SOX6: variants seen among roughly 807,000 people sequenced by gnomAD.
The protein encoded by SOX6 is transcription factor SOX-6.
Under a neutral mutation model 97.8 loss-of-function variants are expected in SOX6, and 11 were observed. The ratio of observed to expected loss-of-function variants is 0.11; its 90% confidence interval spans 0.07 to 0.19. The LOEUF (loss-of-function observed/expected upper bound fraction) is 0.19. SOX6 is among the 10% of genes least tolerant of loss of function. SOX6 has a pLI of 1.00. For synonymous variants in SOX6, 360 were observed against 371.4 expected, an observed-to-expected ratio of 0.97 and a Z score of 0.35; for missense variants, 810 against 1,039.5, an observed-to-expected ratio of 0.78 and a Z score of 3.04.
At chr11:16,597,461 G>T (rs1848225466) in intron 4 of SOX6, among the ~76,000 whole-genome samples, 1 of 151,800 alleles carries the variant, frequency 6.6e-6, no homozygotes, top group African/African-American at 2.4e-5. Context: ...TGGGGAGGTT[G>T]CATTACTTTT....
At chr11:16,107,128 T>C (rs963097070) in intron 7 of SOX6, among the ~76,000 whole-genome samples, 9 of 151,992 alleles carry the variant, frequency 5.9e-5, no homozygotes, top group Non-Finnish European at 1.0e-4. Flanking sequence ...GGAACCCTCT[T>C]ACATTTCTCG....
intron 3 of SOX6, among the ~76,000 whole-genome samples, chr11:16,685,968 G>A (rs1305408610): frequency 6.6e-6 from 1 of 152,252 alleles, no homozygotes; most frequent in African/African-American, 2.4e-5. Context: ...CATTCTCCAA[G>A]GTGGTAGGTC....
intron 3 of SOX6, among the ~76,000 whole-genome samples, chr11:16,689,121 A>T (rs1000159881): frequency 1.3e-5 from 2 of 152,168 alleles, no homozygotes; most frequent in African/African-American, 4.8e-5. Context: ...TATTTCTTCT[A>T]ATCCTTTATG....
intron 3 of SOX6, among the ~76,000 whole-genome samples, chr11:16,626,502 T>G (rs1848626003): frequency 6.6e-6 from 1 of 152,202 alleles, no homozygotes; most frequent in South Asian, 2.1e-4. Flanking sequence ...AATTTATTCT[T>G]TTTGGTTGTT....
chr11:16,246,778 T>C (rs948374521), intron 3 of SOX6, among the ~76,000 whole-genome samples: 7 of 152,108 alleles, frequency 4.6e-5, no homozygotes, highest in African/African-American at 1.7e-4. Context: ...TTTTTCATTA[T>C]TATGGGCACA....
At chr11:16,458,379 T>C (rs1590211441) in intron 1 of SOX6, among the ~76,000 whole-genome samples, 1 of 151,124 alleles carries the variant, frequency 6.6e-6, no homozygotes, top group Middle Eastern at 3.4e-3. Context: ...TGCTAACCCA[T>C]AGTATATTCA....
chr11:15,972,179 T>C lies in SOX6; in HGVS notation c.*630A>G, dbSNP rs1473104946. ...TTTTATTTTAAGATGCCAAAGATTG[T>C]CTAAGACTTTGCAGTGTCTCCTTTA... On this transcript the variant is annotated 3_prime_UTR_variant, in exon 16 of 16. Coordinates refer to ENST00000683767, the MANE Select transcript of SOX6 (RefSeq NM_001367873.1). The C allele has an allele frequency of 6.5e-6, 1 of 152,804 alleles. No homozygotes were observed. The highest frequency in any genetic ancestry group is 1.5e-5 in the Non-Finnish European group (1 of 68,144). The allele number at this position is 152,804 out of a possible 1,614,324, so 9.5% of individuals were successfully genotyped here.
chr11:16,368,806 G>A (rs987915198), intron 1 of SOX6, among the ~76,000 whole-genome samples: 4 of 152,084 alleles, frequency 2.6e-5, no homozygotes, highest in African/African-American at 9.7e-5. Flanking sequence ...CAGAGAATGG[G>A]AGAAAATTTT....
chr11:16,180,195 T>C (rs945168809), intron 6 of SOX6, among the ~76,000 whole-genome samples: 1 of 151,874 alleles, frequency 6.6e-6, no homozygotes, highest in African/African-American at 2.4e-5. Flanking sequence ...TAATCATTGA[T>C]TAAAATACTG....
At chr11:16,606,153 G>A (rs1848331265) in intron 4 of SOX6, among the ~76,000 whole-genome samples, 1 of 151,558 alleles carries the variant, frequency 6.6e-6, no homozygotes, top group African/African-American at 2.4e-5. Context: ...TAGTCTCGGT[G>A]TGACTAGGGC....
At chr11:16,280,713 T>G (rs1421081921) in intron 3 of SOX6, among the ~76,000 whole-genome samples, 1 of 152,118 alleles carries the variant, frequency 6.6e-6, no homozygotes, top group Non-Finnish European at 1.5e-5. Flanking sequence ...CACCAGTAGT[T>G]AAAGAGAATC....
intron 4 of SOX6, among the ~76,000 whole-genome samples, chr11:16,209,617 T>G (rs1852165814): frequency 6.6e-6 from 1 of 151,970 alleles, no homozygotes; most frequent in Non-Finnish European, 1.5e-5. Context: ...TAGCTGGGCG[T>G]GGTGGTGAGT....
intron 3 of SOX6, among the ~76,000 whole-genome samples, chr11:16,696,686 G>A (rs1377618005): frequency 6.6e-6 from 1 of 152,072 alleles, no homozygotes; most frequent in Non-Finnish European, 1.5e-5. Flanking sequence ...ATAATTATCG[G>A]GGCCTTCAGT....
chr11:16,423,330 G>C (rs759447884), intron 1 of SOX6, among the ~76,000 whole-genome samples: 10 of 152,004 alleles, frequency 6.6e-5, no homozygotes, highest in Non-Finnish European at 1.2e-4. Flanking sequence ...AGCCTTCTCT[G>C]ACAACCCTAT....
intron 6 of SOX6, among the ~76,000 whole-genome samples, chr11:16,119,107 C>T (rs753866269): frequency 1.1e-4 from 17 of 152,070 alleles, no homozygotes; most frequent in Non-Finnish European, 1.9e-4. Context: ...CAAAGAATAG[C>T]TGACTCATTT....
At chr11:16,112,029 C>T (rs1163098161) in intron 6 of SOX6, 106 bp from the exon 7 acceptor site, 18 of 1,380,202 alleles carry the variant, frequency 1.3e-5, no homozygotes, top group African/African-American at 5.7e-5. Context: ...AGCCACCCAC[C>T]TCTAACCTCA....
chr11:16,484,684 C>A, intron 4 of SOX6: 3 of 608,960 alleles, frequency 4.9e-6, no homozygotes, highest in Middle Eastern at 3.8e-4. Flanking sequence ...CTGCTGCGCT[C>A]CCCAGACTCC....
chr11:16,258,421 C>T (rs1305063107), intron 3 of SOX6, among the ~76,000 whole-genome samples: 2 of 151,900 alleles, frequency 1.3e-5, no homozygotes, highest in African/African-American at 4.8e-5. Context: ...GCGAAGGAAA[C>T]TTAAATGCAT....
chr11:16,686,463 C>T (rs1372634117), intron 3 of SOX6, among the ~76,000 whole-genome samples: 1 of 152,208 alleles, frequency 6.6e-6, no homozygotes, highest in Non-Finnish European at 1.5e-5. Context: ...TTCCACAGAT[C>T]TCTAGGGCAT....
Sources: allele counts gnomAD v4.1 joint callset (sites outside exome capture counted in the v4.1 genomes callset), GRCh38; gene constraint gnomAD v4.1.1; transcripts MANE v1.5; gene names NCBI Gene and HGNC (gene_info 2026-07-23, HGNC 2026-07-21).